Variants in ARHGEF33 observed in about 807,000 individuals in gnomAD.
ARHGEF33 encodes DH and coiled-coil domain-containing protein ENSP00000381780.
Under a neutral mutation model 101.9 loss-of-function variants are expected in ARHGEF33, and 72 were observed. That is an observed-to-expected ratio of 0.71 (90% CI 0.58 to 0.86). The LOEUF is 0.86. Ranked by LOEUF, ARHGEF33 falls within the 40% of genes least tolerant of loss-of-function variation. ARHGEF33 has a pLI of 0.00. For synonymous variants in ARHGEF33, 499 were observed against 442.5 expected (o/e 1.13, Z -1.60); for missense variants, 1,169 against 1,111.3 (o/e 1.05, Z -0.74).
intron 2 of ARHGEF33, among the ~76,000 whole-genome samples, chr2:38,909,460 T>TA (rs974228672): frequency 5.9e-5 from 9 of 151,798 alleles, no homozygotes; most frequent in African/African-American, 2.2e-4. Flanking sequence ...TGGCTGGAAT[T>TA]ACAGTAGTGC....
intron 2 of ARHGEF33, among the ~76,000 whole-genome samples, chr2:38,899,652 A>C (rs1054653974): frequency 1.4e-4 from 22 of 152,158 alleles, no homozygotes; most frequent in Non-Finnish European, 2.8e-4. Flanking sequence ...TAACAGGCTG[A>C]CTTTAGTTAA....
chr2:38,935,879 T>C, intron 8 of ARHGEF33, 45 bp downstream of exon 8: 1 of 1,450,442 alleles, frequency 6.9e-7, no homozygotes, highest in Non-Finnish European at 9.5e-7. Flanking sequence ...AGCAATTCCA[T>C]TATTTTCCAC....
intron 2 of ARHGEF33, among the ~76,000 whole-genome samples, chr2:38,900,125 G>A (rs891411482): frequency 1.3e-5 from 2 of 152,158 alleles, no homozygotes; most frequent in East Asian, 1.9e-4. Flanking sequence ...CCTGGAGATC[G>A]AGGCTGCAGT....
At position 38,913,474 on chromosome 2, in the gene ARHGEF33, A is replaced by G. The variant is rs192556968; in HGVS notation, c.-85-5889A>G. ...TTAATGACAAAATAAAATAGAATAA[A>G]AAACAAAAACAATCTACCAGCTGGG... On this transcript the variant is annotated intron_variant, in intron 2 of 17. Coordinates refer to ENST00000409978, the MANE Select transcript of ARHGEF33 (RefSeq NM_001145451.5). Among the ~76,000 whole-genome samples the G allele has an allele frequency of 1.4e-3, 219 of 152,316 alleles. 2 individuals carry two copies. Among genetic ancestry groups the G allele is most frequent in the African/African-American group, 5.2e-3 (216 of 41,558 alleles).
chr2:38,953,261 A>C lies in ARHGEF33; in HGVS notation c.1137+16A>C, dbSNP rs1356468544. On this transcript the variant is annotated intron_variant, in intron 12 of 17. Coordinates refer to ENST00000409978, the MANE Select transcript of ARHGEF33 (RefSeq NM_001145451.5). ...CCTGAAAGAGGTGAGTTAACGCCATATATATGCTATCCTTCATCTGCACAT... is the reference window on the plus strand; with the variant it reads ...CCTGAAAGAGGTGAGTTAACGCCATCTATATGCTATCCTTCATCTGCACAT... 5 of 1,384,016 alleles carry C rather than the reference A, an allele frequency of 3.6e-6. No homozygotes were observed. Among genetic ancestry groups the C allele is most frequent in the Non-Finnish European group, 5.0e-6 (5 of 993,604 alleles). The allele number at this position is 1,384,016 out of a possible 1,614,324, so 85.7% of individuals were successfully genotyped here.
intron 4 of ARHGEF33, among the ~76,000 whole-genome samples, chr2:38,924,803 T>A (rs889655004): frequency 1.3e-5 from 2 of 152,206 alleles, no homozygotes; most frequent in African/African-American, 4.8e-5. Context: ...AGCTTCCCCT[T>A]TGGGTCATCT....
intron 13 of ARHGEF33, among the ~76,000 whole-genome samples, chr2:38,954,894 A>C (rs1317658411): frequency 6.6e-6 from 1 of 152,154 alleles, no homozygotes; most frequent in Non-Finnish European, 1.5e-5. Context: ...TCAGCCTCCC[A>C]AAGTGGTGGG....
chr2:38,898,859 G>GT (rs1199842441), intron 2 of ARHGEF33, among the ~76,000 whole-genome samples: 2 of 152,226 alleles, frequency 1.3e-5, no homozygotes, highest in East Asian at 3.9e-4. Context: ...TGTGTATAAT[G>GT]TATCTTATAA....
At chr2:38,913,296 C>A (rs1251111249) in intron 2 of ARHGEF33, among the ~76,000 whole-genome samples, 11 of 152,094 alleles carry the variant, frequency 7.2e-5, no homozygotes, top group African/African-American at 2.2e-4. Context: ...ATTGAAAAGG[C>A]CTTGAAGATC....
At chr2:38,969,327 T>TG (rs1440299119) in intron 17 of ARHGEF33, 2 of 167,390 alleles carry the variant, frequency 1.2e-5, no homozygotes, top group Admixed American at 6.5e-5. Flanking sequence ...GTGTCATGTC[T>TG]GGGGCTTGCT....
chr2:38,917,592 G>A (rs932406343), intron 2 of ARHGEF33, among the ~76,000 whole-genome samples: 2 of 152,030 alleles, frequency 1.3e-5, no homozygotes, highest in African/African-American at 4.8e-5. Context: ...CACTTTGAGA[G>A]ACCGAGGAGG....
intron 14 of ARHGEF33, among the ~76,000 whole-genome samples, chr2:38,957,563 T>C (rs1310971063): frequency 6.6e-6 from 1 of 151,934 alleles, no homozygotes; most frequent in African/African-American, 2.4e-5. Flanking sequence ...ATAAAGCAAA[T>C]AAGGGAGAGG....
chr2:38,967,623 TG>T (rs1668078324), intron 17 of ARHGEF33, among the ~76,000 whole-genome samples: 1 of 152,156 alleles, frequency 6.6e-6, no homozygotes, highest in Non-Finnish European at 1.5e-5. Flanking sequence ...CTGCCCAGGC[TG>T]GAGTGCAATG....
At chr2:38,916,124 G>A (rs1237311335) in intron 2 of ARHGEF33, among the ~76,000 whole-genome samples, 1 of 152,174 alleles carries the variant, frequency 6.6e-6, no homozygotes, top group Non-Finnish European at 1.5e-5. Context: ...CAGAAAATGT[G>A]TAAGTTTTCA....
At chr2:38,893,858 G>C (rs1207506523) in intron 1 of ARHGEF33, among the ~76,000 whole-genome samples, 1 of 152,160 alleles carries the variant, frequency 6.6e-6, no homozygotes, top group Non-Finnish European at 1.5e-5. Flanking sequence ...TATCTGAAGA[G>C]CTCAAATGAG....
At chr2:38,890,653 A>G (rs991411409) in intron 1 of ARHGEF33, among the ~76,000 whole-genome samples, 2 of 152,192 alleles carry the variant, frequency 1.3e-5, no homozygotes, top group African/African-American at 2.4e-5. Flanking sequence ...GTGAGTTTTT[A>G]TATGCTGAAA....
intron 2 of ARHGEF33, among the ~76,000 whole-genome samples, chr2:38,906,986 T>C (rs6754902): frequency 0.73 from 110,154 of 151,546 alleles, 40,215 homozygotes; most frequent in East Asian, 0.9. Context: ...GTGAGGAGAG[T>C]TGACAGATGA....
At chr2:38,929,868 T>A (rs1283845630) in intron 6 of ARHGEF33, 38 bp downstream of exon 6, 5 of 1,543,156 alleles carry the variant, frequency 3.2e-6, no homozygotes, top group Non-Finnish European at 4.4e-6. Flanking sequence ...GGCAAACCCA[T>A]AAGCAATGGC....
In ARHGEF33 at chr2:38,959,928, G is replaced by A. The variant is rs1667870506; in HGVS notation, c.1623G>A (p.Leu541=). 1 of 1,551,774 alleles carries A rather than the reference G, an allele frequency of 6.4e-7. No individual in the cohort carries two copies. Among genetic ancestry groups the A allele is most frequent in the East Asian group, 2.4e-5 (1 of 40,904 alleles). The change falls in exon 16 of 18, where the codon CTG becomes CTA. Residue 541 remains leucine, a synonymous_variant. Transcript: ENST00000409978. Reference sequence around the variant, plus strand: ...CCGGGAAGCCCAGTGACTGGGAGCTGGAGGGCAGGAAGCACGAGCGGCCCG... The same window carrying A: ...CCGGGAAGCCCAGTGACTGGGAGCTAGAGGGCAGGAAGCACGAGCGGCCCG... ...MQPGKPSDWE[L]EGRKHERPES... is the part of the protein sequence containing the mutation.
Sources: gnomAD v4.1 joint callset for allele counts (sites outside exome capture counted in the v4.1 genomes callset) on GRCh38, gnomAD v4.1.1 for gene constraint, MANE v1.5 for transcripts, NCBI Gene and HGNC (gene_info 2026-07-23, HGNC 2026-07-21) for gene names.